The following JAZF1 variants were observed in gnomAD, a reference collection of about 807,000 sequenced individuals.
The protein encoded by JAZF1 is juxtaposed with another zinc finger protein 1.
In JAZF1, 8 loss-of-function variants were observed where a neutral mutation model predicts 26.4. That is an observed-to-expected ratio of 0.30 (90% CI 0.18 to 0.55). The LOEUF (loss-of-function observed/expected upper bound fraction) is 0.55, where lower values mean the gene tolerates loss of function less well. Ranked by LOEUF, JAZF1 falls within the 20% of genes least tolerant of loss-of-function variation. The pLI is 0.94. For synonymous variants in JAZF1, 126 were observed against 122.3 expected (o/e 1.03, Z -0.20); for missense variants, 199 against 322.0 (o/e 0.62, Z 2.92).
chr7:28,121,767 C>T (rs1211403672), intron 1 of JAZF1, among the ~76,000 whole-genome samples: 1 of 152,210 alleles, frequency 6.6e-6, no homozygotes, highest in Non-Finnish European at 1.5e-5. Flanking sequence ...ATTCTGAAGT[C>T]CATGTTGACC....
chr7:27,841,993 C>G (rs1583424989), intron 3 of JAZF1: 1 of 152,280 alleles, frequency 6.6e-6, no homozygotes, highest in East Asian at 1.9e-4. Flanking sequence ...AGGGGCCTGC[C>G]TGGGTGCTTC....
At chr7:28,083,147 C>T (rs1269576023) in intron 1 of JAZF1, among the ~76,000 whole-genome samples, 1 of 152,148 alleles carries the variant, frequency 6.6e-6, no homozygotes. Flanking sequence ...TTGCCTGAAC[C>T]CCCTCAATCC....
intron 2 of JAZF1, chr7:27,913,270 TTATA>T (rs912373663): frequency 4.7e-5 from 9 of 191,248 alleles, no homozygotes; most frequent in Non-Finnish European, 7.4e-5. Context: ...ATATATGTAT[TTATA>T]TATATTATAT....
chr7:28,120,982 TTGA>T (rs1359397580), intron 1 of JAZF1, among the ~76,000 whole-genome samples: 3 of 152,064 alleles, frequency 2.0e-5, no homozygotes, highest in Admixed American at 1.3e-4. Flanking sequence ...GGTGGATCAC[TTGA>T]TGTCAGGAGT....
At chr7:28,111,524 CAT>C (rs554390907) in intron 1 of JAZF1, among the ~76,000 whole-genome samples, 60 of 152,314 alleles carry the variant, frequency 3.9e-4, no homozygotes, top group African/African-American at 1.4e-3. Flanking sequence ...CTTTCTATCA[CAT>C]GATAGCTATG....
chr7:28,177,605 A>G lies in JAZF1; in HGVS notation c.115+2858T>C, dbSNP rs111692260. On this transcript the variant is annotated intron_variant, in intron 1 of 4. Transcript: ENST00000283928. ...TCACCTAAGCATATCTCTAATACTC[A>G]CGGTTGCTAAATAACAAGACTGTTG... 2.4e-4 allele frequency among the ~76,000 whole-genome samples: 37 copies of G among 152,256 alleles called. 1 individual carries two copies. Among genetic ancestry groups the G allele is most frequent in the African/African-American group, 8.7e-4 (36 of 41,532 alleles).
At chr7:27,867,560 C>T (rs1425486051) in intron 3 of JAZF1, among the ~76,000 whole-genome samples, 7 of 152,206 alleles carry the variant, frequency 4.6e-5, no homozygotes, top group Admixed American at 1.3e-4. Flanking sequence ...CCAGCAGTGT[C>T]GCTTTTACAT....
At chr7:28,157,824 C>A (rs79013867) in intron 1 of JAZF1, among the ~76,000 whole-genome samples, 1 of 152,000 alleles carries the variant, frequency 6.6e-6, no homozygotes, top group South Asian at 2.1e-4. Flanking sequence ...TGGTGTGACA[C>A]GGTTTGAGTT....
chr7:28,007,057 A>G (rs1397027934), intron 1 of JAZF1, among the ~76,000 whole-genome samples: 1 of 152,204 alleles, frequency 6.6e-6, no homozygotes, highest in African/African-American at 2.4e-5. Context: ...CCACTCTTTA[A>G]GTGCTATCCA....
At chr7:28,108,737 G>A (rs1322892009) in intron 1 of JAZF1, among the ~76,000 whole-genome samples, 1 of 152,188 alleles carries the variant, frequency 6.6e-6, no homozygotes, top group African/African-American at 2.4e-5. Flanking sequence ...GTATCTCAAA[G>A]AGATACCTGC....
intron 1 of JAZF1, among the ~76,000 whole-genome samples, chr7:27,993,576 A>C (rs982409386): frequency 2.6e-5 from 4 of 152,178 alleles, no homozygotes; most frequent in Admixed American, 2.0e-4. Flanking sequence ...TTGTCCAAAG[A>C]AATGGCACAT....
intron 1 of JAZF1, among the ~76,000 whole-genome samples, chr7:28,010,064 C>T (rs1470651236): frequency 6.6e-6 from 1 of 152,194 alleles, no homozygotes; most frequent in Non-Finnish European, 1.5e-5. Context: ...TCCAGCAACT[C>T]CTAACTTCTT....
intron 1 of JAZF1, among the ~76,000 whole-genome samples, chr7:28,098,582 C>A (rs75040112): frequency 0.011 from 1,748 of 152,182 alleles, 16 homozygotes; most frequent in Non-Finnish European, 0.016. Context: ...ACATTATTCA[C>A]TTTTTATTTC....
At chr7:28,115,111 T>C (rs1170057957) in intron 1 of JAZF1, among the ~76,000 whole-genome samples, 6 of 152,180 alleles carry the variant, frequency 3.9e-5, no homozygotes, top group Admixed American at 3.9e-4. Context: ...TTGTTGTTTT[T>C]AAGTAATTCT....
At chr7:28,132,686 T>C (rs141087853) in intron 1 of JAZF1, among the ~76,000 whole-genome samples, 2 of 152,248 alleles carry the variant, frequency 1.3e-5, no homozygotes, top group African/African-American at 4.8e-5. Context: ...TAAACATAGA[T>C]GGAAATTAAA....
Position 28,072,107 on chromosome 7 carries a change from T to C in JAZF1, c.116-80126A>G, listed in dbSNP as rs573840575. ...ACGAATAAAGGAAACACTGTATATA[T>C]TGCTTGCATAAATTGGATCTCATTA... On this transcript the variant is annotated intron_variant, in intron 1 of 4. Coordinates refer to ENST00000283928, the MANE Select transcript of JAZF1 (RefSeq NM_175061.4). 2.6e-5 allele frequency among the ~76,000 whole-genome samples: 4 copies of C among 152,356 alleles called. No homozygotes were observed. The South Asian group carries it at 8.3e-4, about 32-fold the overall frequency.
chr7:27,880,328 T>C (rs1035919235), intron 3 of JAZF1, among the ~76,000 whole-genome samples: 2 of 152,236 alleles, frequency 1.3e-5, no homozygotes, highest in Admixed American at 6.5e-5. Flanking sequence ...CAGAGCCCTA[T>C]AGATTACTTA....
At chr7:28,112,147 G>A (rs997805451) in intron 1 of JAZF1, among the ~76,000 whole-genome samples, 10 of 152,110 alleles carry the variant, frequency 6.6e-5, no homozygotes, top group African/African-American at 2.4e-4. Context: ...GGCTGTCCCA[G>A]AGTTACTTAG....
In JAZF1 at chr7:28,103,050, C is replaced by G. The variant is rs542053665; in HGVS notation, c.115+77413G>C. Among the ~76,000 whole-genome samples, 215 of 152,228 alleles carry G rather than the reference C, an allele frequency of 1.4e-3. 1 individual carries two copies. The highest frequency in any genetic ancestry group is 5.0e-3 in the African/African-American group (207 of 41,540). The stretch of plus-strand genomic sequence containing the variant: ...GACCGATTGATGTAACCATTTTTGC[C>G]CCAGTGGCAACACTTGCTAGGGATG... On this transcript the variant is annotated intron_variant, in intron 1 of 4. Coordinates refer to ENST00000283928, the MANE Select transcript of JAZF1 (RefSeq NM_175061.4).
Sources: allele counts gnomAD v4.1 joint callset (sites outside exome capture counted in the v4.1 genomes callset), GRCh38; gene constraint gnomAD v4.1.1; transcripts MANE v1.5; gene names NCBI Gene and HGNC (gene_info 2026-07-23, HGNC 2026-07-21).